Variants in CDK14 observed in about 807,000 individuals in gnomAD.
The protein encoded by CDK14 is cyclin-dependent kinase 14.
A neutral mutation model predicts 60.7 loss-of-function variants in CDK14; 34 were observed. That is an observed-to-expected ratio of 0.56 (90% confidence interval 0.43 to 0.75). The LOEUF is 0.75. Among genes scored for constraint, CDK14 ranks in the 30% least tolerant of loss-of-function variants. The pLI, the probability that CDK14 is intolerant of heterozygous loss-of-function variation, is 0.00. For synonymous variants in CDK14, 197 were observed against 203.7 expected (o/e 0.97, Z 0.28); for missense variants, 482 against 564.1 (o/e 0.85, Z 1.47).
chr7:90,672,517 T>G (rs1397026384), intron 2 of CDK14, among the ~76,000 whole-genome samples: 4 of 130,944 alleles, frequency 3.1e-5, no homozygotes, highest in East Asian at 2.1e-4. Context: ...TTTTTTTTTT[T>G]TTTTTTTTTT....
At chr7:90,983,931 A>G (rs1485855956) in intron 9 of CDK14, among the ~76,000 whole-genome samples, 1 of 152,182 alleles carries the variant, frequency 6.6e-6, no homozygotes, top group African/African-American at 2.4e-5. Flanking sequence ...TACCTGGATG[A>G]TGGGATCATT....
At chr7:90,621,417 A>G (rs1376639288) in intron 2 of CDK14, among the ~76,000 whole-genome samples, 1 of 152,182 alleles carries the variant, frequency 6.6e-6, no homozygotes, top group Non-Finnish European at 1.5e-5. Flanking sequence ...TCACATCCTT[A>G]AAATACTCTC....
chr7:90,730,641 A>G (rs941349494), intron 3 of CDK14, among the ~76,000 whole-genome samples: 2 of 152,184 alleles, frequency 1.3e-5, no homozygotes, highest in Admixed American at 1.3e-4. Flanking sequence ...TGTTGGCTGC[A>G]TAAATGTCTT....
At chr7:91,036,499 C>G (rs773311024) in intron 10 of CDK14, among the ~76,000 whole-genome samples, 79 of 152,084 alleles carry the variant, frequency 5.2e-4, no homozygotes, top group Non-Finnish European at 9.1e-4. Flanking sequence ...ATGTGCCTGT[C>G]TCTCCTGCCT....
chr7:91,208,512 C>T lies in CDK14; in HGVS notation c.*1376C>T, dbSNP rs750524559. On this transcript the variant is annotated 3_prime_UTR_variant, in exon 15 of 15. Transcript: ENST00000380050. ...TCATCTAAAGCATGAAACCTAGCTC[C>T]TCTACACACAAATTCCTATGGAAAT... is the stretch of plus-strand genomic sequence containing the variant. The T allele has an allele frequency of 5.3e-5, 8 of 152,232 alleles. No homozygotes were observed. Among genetic ancestry groups the T allele is most frequent in the Non-Finnish European group, 1.2e-4 (8 of 68,042 alleles). The allele number at this position is 152,232 out of a possible 1,614,324, so 9.4% of individuals were successfully genotyped here.
chr7:90,638,996 A>G (rs1295287775), intron 2 of CDK14, among the ~76,000 whole-genome samples: 1 of 152,074 alleles, frequency 6.6e-6, no homozygotes, highest in African/African-American at 2.4e-5. Flanking sequence ...TCCTTTAAGC[A>G]CTTCTCTGTA....
intron 14 of CDK14, among the ~76,000 whole-genome samples, chr7:91,158,134 T>C (rs1307581199): frequency 6.8e-6 from 1 of 148,062 alleles, no homozygotes; most frequent in Non-Finnish European, 1.5e-5. Flanking sequence ...ATATACATTA[T>C]ATACATTATA....
At chr7:90,770,908 C>G (rs949072016) in intron 4 of CDK14, among the ~76,000 whole-genome samples, 1 of 152,182 alleles carries the variant, frequency 6.6e-6, no homozygotes, top group Non-Finnish European at 1.5e-5. Flanking sequence ...TAGGCGTCAC[C>G]CTTGGCCCCC....
At chr7:90,979,663 A>G (rs1221417703) in intron 9 of CDK14, 1 of 152,218 alleles carries the variant, frequency 6.6e-6, no homozygotes, top group African/African-American at 2.4e-5. Flanking sequence ...CTAAACTATT[A>G]GACATACCCC....
chr7:90,967,188 AAGG>A (rs1389880145), intron 9 of CDK14, among the ~76,000 whole-genome samples: 6 of 149,040 alleles, frequency 4.0e-5, no homozygotes, highest in African/African-American at 1.5e-4. Flanking sequence ...GGAAGGAAGG[AAGG>A]AAGGAAGGAA....
chr7:90,634,079 T>A (rs1800071774), intron 2 of CDK14, among the ~76,000 whole-genome samples: 1 of 152,046 alleles, frequency 6.6e-6, no homozygotes, highest in South Asian at 2.1e-4. Context: ...TTATGGTTAA[T>A]ATGCATAGAA....
intron 4 of CDK14, among the ~76,000 whole-genome samples, chr7:90,763,820 A>G (rs1410326717): frequency 1.3e-5 from 2 of 152,156 alleles, no homozygotes; most frequent in African/African-American, 2.4e-5. Flanking sequence ...ATACATTTAA[A>G]AAAAGGTTCT....
intron 11 of CDK14, among the ~76,000 whole-genome samples, chr7:91,060,831 C>T (rs2116114874): frequency 6.6e-6 from 1 of 152,298 alleles, no homozygotes; most frequent in African/African-American, 2.4e-5. Flanking sequence ...CTGCCCTTAA[C>T]ATTTTTTCCT....
At chr7:90,949,360 T>G (rs1794189344) in intron 8 of CDK14, among the ~76,000 whole-genome samples, 1 of 151,844 alleles carries the variant, frequency 6.6e-6, no homozygotes, top group South Asian at 2.1e-4. Flanking sequence ...GCCACCACAC[T>G]TGGCCAATTT....
intron 2 of CDK14, chr7:90,692,759 A>G: frequency 1.5e-6 from 1 of 675,840 alleles, no homozygotes; most frequent in Non-Finnish European, 1.8e-6. Flanking sequence ...ACATATTGTT[A>G]TATTTGCTAA....
chr7:91,035,693 T>G (rs913843607), intron 10 of CDK14, among the ~76,000 whole-genome samples: 1 of 151,934 alleles, frequency 6.6e-6, no homozygotes, highest in African/African-American at 2.4e-5. Context: ...TATCATATGA[T>G]TAAATGATTA....
At chr7:90,635,486 G>T (rs1330425725) in intron 2 of CDK14, among the ~76,000 whole-genome samples, 1 of 152,176 alleles carries the variant, frequency 6.6e-6, no homozygotes, top group South Asian at 2.1e-4. Flanking sequence ...CTGTTCCATT[G>T]ATCTATATCT....
At chr7:90,991,423 C>G (rs762833528) in intron 10 of CDK14, among the ~76,000 whole-genome samples, 3 of 151,986 alleles carry the variant, frequency 2.0e-5, no homozygotes, top group African/African-American at 4.8e-5. Context: ...GATTGGAGGG[C>G]TAGACCAGGG....
intron 10 of CDK14, among the ~76,000 whole-genome samples, chr7:91,024,119 T>C (rs1012039824): frequency 6.8e-6 from 1 of 147,156 alleles, no homozygotes; most frequent in African/African-American, 2.5e-5. Flanking sequence ...AAAATGATGA[T>C]GATGATGATG....
Sources: allele counts gnomAD v4.1 joint callset (sites outside exome capture counted in the v4.1 genomes callset), GRCh38; gene constraint gnomAD v4.1.1; transcripts MANE v1.5; gene names NCBI Gene and HGNC (gene_info 2026-07-23, HGNC 2026-07-21).